Variants in SCGN observed in about 807,000 individuals in gnomAD.
SCGN encodes the protein secretagogin, EF-hand calcium binding protein.
SCGN carries 30 observed loss-of-function variants against 39.7 expected under a neutral mutation model. That is an observed-to-expected ratio of 0.76 (90% CI 0.57 to 1.03). The LOEUF is 1.03. Among genes scored for constraint, SCGN ranks in the 50% least tolerant of loss-of-function variants. The probability of loss-of-function intolerance (pLI) is 0.00; values close to 1 mark genes in which losing one functional copy is unlikely to be tolerated. For synonymous variants in SCGN, 106 were observed against 114.1 expected (o/e 0.93, Z 0.45); for missense variants, 353 against 349.4 (o/e 1.01, Z -0.08).
At chr6:25,671,874 G>C (rs1439108439) in intron 6 of SCGN, among the ~76,000 whole-genome samples, 2 of 152,146 alleles carry the variant, frequency 1.3e-5, no homozygotes, top group African/African-American at 4.8e-5. Context: ...TTGTTATCTC[G>C]ATTTTATTGA....
At chr6:25,654,369 C>A (rs1290418488) in intron 2 of SCGN, among the ~76,000 whole-genome samples, 3 of 152,188 alleles carry the variant, frequency 2.0e-5, no homozygotes, top group Non-Finnish European at 4.4e-5. Flanking sequence ...CTGGCTTCCG[C>A]CTTCTTCAGC....
intron 2 of SCGN, among the ~76,000 whole-genome samples, chr6:25,658,003 C>CTTTTTTTTTTTT (rs759915721): frequency 1.1e-4 from 8 of 70,376 alleles, no homozygotes; most frequent in East Asian, 4.8e-4. Context: ...GAAAGGTATC[C>CTTTTTTTTTTTT]TTTTTTTTTT....
At chr6:25,697,414 A>C (rs1466188725) in intron 10 of SCGN, among the ~76,000 whole-genome samples, 1 of 152,242 alleles carries the variant, frequency 6.6e-6, no homozygotes, top group African/African-American at 2.4e-5. Context: ...GGTTACAATA[A>C]AATGCACTTA....
intron 7 of SCGN, among the ~76,000 whole-genome samples, chr6:25,688,767 A>G (rs1468387431): frequency 2.2e-5 from 3 of 135,970 alleles, no homozygotes; most frequent in African/African-American, 7.9e-5. Context: ...GCACCACTGC[A>G]CTCCAGCCTG....
intron 2 of SCGN, among the ~76,000 whole-genome samples, chr6:25,657,689 A>T (rs1760251767): frequency 6.7e-6 from 1 of 149,010 alleles, no homozygotes; most frequent in African/African-American, 2.5e-5. Context: ...ACGTGTATAT[A>T]TATATGTGTA....
At chr6:25,667,573 A>C (rs1463398119) in intron 4 of SCGN, among the ~76,000 whole-genome samples, 1 of 152,216 alleles carries the variant, frequency 6.6e-6, no homozygotes, top group African/African-American at 2.4e-5. Context: ...AATTTTATGC[A>C]GTCAAGATTT....
chr6:25,673,922 T>A (rs959725343), intron 6 of SCGN, among the ~76,000 whole-genome samples: 2 of 152,110 alleles, frequency 1.3e-5, no homozygotes, highest in Non-Finnish European at 2.9e-5. Context: ...AGCTTTTACT[T>A]ATGGTAGACA....
At chr6:25,669,038 G>GT (rs1759448569) in intron 4 of SCGN, among the ~76,000 whole-genome samples, 1 of 151,554 alleles carries the variant, frequency 6.6e-6, no homozygotes, top group Non-Finnish European at 1.5e-5. Flanking sequence ...GTGAACCCGG[G>GT]AGGCGGAGCT....
chr6:25,691,268 A>G (rs1759770528), intron 10 of SCGN, 144 bp downstream of exon 10: 2 of 589,984 alleles, frequency 3.4e-6, no homozygotes, highest in Non-Finnish European at 5.9e-6. Context: ...TTGAATTGCT[A>G]TGAAACCCAA....
chr6:25,684,283 T>G (rs1315407544), intron 7 of SCGN, among the ~76,000 whole-genome samples: 1 of 152,144 alleles, frequency 6.6e-6, no homozygotes, highest in South Asian at 2.1e-4. Flanking sequence ...TGAACAGAGA[T>G]GAAAGGCAGC....
chr6:25,689,572 TA>T, intron 9 of SCGN, 40 bp downstream of exon 9: 1 of 1,559,462 alleles, frequency 6.4e-7, no homozygotes. Context: ...CATCTCTGAG[TA>T]GGAAACTTAT....
At chr6:25,688,022 CT>C in intron 7 of SCGN, among the ~76,000 whole-genome samples, 1 of 152,178 alleles carries the variant, frequency 6.6e-6, no homozygotes, top group African/African-American at 2.4e-5. Flanking sequence ...AAAATTTTAT[CT>C]TTATATATTG....
At chr6:25,663,485 G>T (rs149226531) in intron 3 of SCGN, among the ~76,000 whole-genome samples, 1 of 152,024 alleles carries the variant, frequency 6.6e-6, no homozygotes, top group Non-Finnish European at 1.5e-5. Flanking sequence ...ATATGTATGA[G>T]GTATGTTCCT....
At position 25,691,069 on chromosome 6, in the gene SCGN, C is replaced by T. The variant is rs6942245; in HGVS notation, c.647C>T (p.Ala216Val). The T allele has an allele frequency of 1.1e-3, 1,760 of 1,613,376 alleles. 19 individuals carry two copies. The African/African-American group carries it at 0.02, about 19-fold the overall frequency. ...TTTCTTTTTCAGAGTAAAACAGGAG[C>T]CCTGGAAGGCCCAGAAGTGGATGGG... ...FAYYDVSKTG[A>V]LEGPEVDGFV... is the part of the protein sequence containing the mutation. The change falls in exon 10 of 11, where the codon GCC (alanine) becomes GTC (valine). Residue 216 changes from alanine to valine, a missense_variant. Coordinates refer to ENST00000377961, the MANE Select transcript of SCGN (RefSeq NM_006998.4).
chr6:25,662,341 G>A (rs1219861009), intron 3 of SCGN, among the ~76,000 whole-genome samples: 2 of 152,092 alleles, frequency 1.3e-5, no homozygotes, highest in Non-Finnish European at 2.9e-5. Flanking sequence ...AAGGACTTGA[G>A]TTACTTTCCT....
chr6:25,669,660 T>C (rs1043679660), intron 5 of SCGN, 93 bp downstream of exon 5: 2 of 1,029,572 alleles, frequency 1.9e-6, no homozygotes, highest in Admixed American at 3.6e-5. Flanking sequence ...CCAAGAAAGA[T>C]GTATTTGAAT....
Position 25,701,483 on chromosome 6 carries a change from T to A in SCGN, c.*148T>A. ...AAGAACAGGGACGCTAGGGCCTTCCTTCCACCGGCGTGATCTATCCCTGTC... is the reference window on the plus strand; with the variant it reads ...AAGAACAGGGACGCTAGGGCCTTCCATCCACCGGCGTGATCTATCCCTGTC... On this transcript the variant is annotated 3_prime_UTR_variant, in exon 11 of 11. Transcript: ENST00000377961. 6 of 937,862 alleles carry A rather than the reference T, an allele frequency of 6.4e-6. No individual in the cohort carries two copies. The highest frequency in any genetic ancestry group is 9.5e-6 in the Non-Finnish European group (6 of 630,584). 58.1% of individuals were successfully genotyped at this position (937,862 alleles called of 1,614,324 possible). A position where few individuals can be genotyped will look rare whatever the true frequency, so the allele number is the denominator to read the frequency against.
At chr6:25,683,799 A>G (rs1196499122) in intron 7 of SCGN, among the ~76,000 whole-genome samples, 2 of 152,250 alleles carry the variant, frequency 1.3e-5, no homozygotes, top group Non-Finnish European at 2.9e-5. Context: ...AAGTCTTGAC[A>G]GAGTTCCAAA....
chr6:25,662,337 T>C (rs1456972129), intron 3 of SCGN, among the ~76,000 whole-genome samples: 4 of 152,192 alleles, frequency 2.6e-5, no homozygotes, highest in Admixed American at 6.5e-5. Flanking sequence ...TGATAAGGAC[T>C]TGAGTTACTT....
Sources: allele counts gnomAD v4.1 joint callset (sites outside exome capture counted in the v4.1 genomes callset), GRCh38; gene constraint gnomAD v4.1.1; transcripts MANE v1.5; gene names NCBI Gene and HGNC (gene_info 2026-07-23, HGNC 2026-07-21).